Variants in ZNF474 observed in about 807,000 individuals in gnomAD.
ZNF474 encodes 4933409D10Rik.
For missense variants in ZNF474, 511 were observed against 433.8 expected, an observed-to-expected ratio of 1.18 and a Z score of -1.58; for synonymous variants, 192 against 162.2, an observed-to-expected ratio of 1.18 and a Z score of -1.39.
intron 1 of ZNF474, among the ~76,000 whole-genome samples, chr5:122,140,559 T>G (rs528498612): frequency 6.6e-6 from 1 of 152,310 alleles, no homozygotes; most frequent in Admixed American, 6.5e-5. Context: ...CAAGATATAT[T>G]TTAAAAGATC....
chr5:122,144,788 A>G (rs903364938), intron 1 of ZNF474, among the ~76,000 whole-genome samples: 1 of 152,250 alleles, frequency 6.6e-6, no homozygotes, highest in South Asian at 2.1e-4. Flanking sequence ...TTGGATTTCT[A>G]TATATTATAG....
intron 1 of ZNF474, among the ~76,000 whole-genome samples, chr5:122,136,608 T>C (rs1287761715): frequency 6.6e-6 from 1 of 152,230 alleles, no homozygotes; most frequent in Admixed American, 6.5e-5. Context: ...TCATGGTCCT[T>C]GGAGAGATTC....
Position 122,152,013 on chromosome 5 carries a change from G to C in ZNF474, c.23G>C (p.Arg8Thr). The change falls in exon 2 of 2, where the codon AGA becomes ACA. Residue 8 changes from arginine (R) to threonine (T), a missense_variant. Physicochemically the swap from Arg to Thr is moderately conservative, Grantham distance 71. Transcript: ENST00000296600. ...TTAATGGAAAGAGGAAAGAAGAAAA[G>C]AATTTCCAATAAGTTACAACAAACT... MERGKKK[R>T]ISNKLQQTFH... 1 of 1,609,690 alleles carries C rather than the reference G, an allele frequency of 6.2e-7. No individual in the cohort carries two copies. Among genetic ancestry groups the C allele is most frequent in the Non-Finnish European group, 8.5e-7 (1 of 1,179,020 alleles).
chr5:122,141,300 A>ATTTTTTTTTTTTT lies in ZNF474; in HGVS notation c.-212-10466_-212-10454dup, dbSNP rs368273210. Among the ~76,000 whole-genome samples, 74 of 64,356 alleles carry ATTTTTTTTTTTTT rather than the reference A, an allele frequency of 1.1e-3. 4 individuals carry two copies. The highest frequency in any genetic ancestry group is 4.9e-3 in the African/African-American group (67 of 13,584). 42.2% of individuals were successfully genotyped at this position (64,356 alleles called of 152,430 possible). On this transcript the variant is annotated intron_variant, in intron 1 of 1. Coordinates refer to ENST00000296600, the MANE Select transcript of ZNF474 (RefSeq NM_207317.3). ...CGAGTAGCTGGGATTACCCCTGGCTATTTTTTTTTTTTTTTTTTTTTTTTT... is the reference window on the plus strand; with the variant it reads ...CGAGTAGCTGGGATTACCCCTGGCTATTTTTTTTTTTTTTTTTTTTTTTTTTTTTTTTTTTTTT...
chr5:122,137,895 A>C (rs1177898945), intron 1 of ZNF474, among the ~76,000 whole-genome samples: 6 of 152,254 alleles, frequency 3.9e-5, no homozygotes, highest in Admixed American at 6.5e-5. Context: ...TGAGAGCGGA[A>C]GTGCCTCTTC....
At chr5:122,149,590 G>C (rs1275473129) in intron 1 of ZNF474, among the ~76,000 whole-genome samples, 15 of 152,220 alleles carry the variant, frequency 9.9e-5, no homozygotes, top group Admixed American at 9.8e-4. Context: ...TGGAGCCAAA[G>C]AGAGCTGGAA....
chr5:122,130,662 T>C (rs1318278088), intron 1 of ZNF474, among the ~76,000 whole-genome samples: 1 of 152,186 alleles, frequency 6.6e-6, no homozygotes, highest in Non-Finnish European at 1.5e-5. Flanking sequence ...AGTATTTTTC[T>C]CCTAATTTTA....
Position 122,152,347 on chromosome 5 carries a change from G to A in ZNF474, c.357G>A (p.Lys119=), listed in dbSNP as rs1561444619. ...IAIHEPQCLQ[K]WHIENSKLPK... is the part of the protein sequence containing the mutation. The stretch of plus-strand genomic sequence containing the variant: ...TTCATGAACCCCAGTGCTTGCAGAA[G>A]TGGCATATTGAAAACAGCAAGTTGC... Residue 119 remains lysine (K), a synonymous_variant, in exon 2 of 2, where the codon AAG becomes AAA. Coordinates refer to ENST00000296600, the MANE Select transcript of ZNF474 (RefSeq NM_207317.3). 1.2e-6 allele frequency: 2 copies of A among 1,614,192 alleles called. No individual in the cohort carries two copies. The highest frequency in any genetic ancestry group is 1.7e-6 in the Non-Finnish European group (2 of 1,180,042).
At chr5:122,135,713 C>A (rs550826916) in intron 1 of ZNF474, among the ~76,000 whole-genome samples, 42 of 152,044 alleles carry the variant, frequency 2.8e-4, no homozygotes, top group Non-Finnish European at 5.3e-4. Flanking sequence ...CAGCAATATC[C>A]ACAAGAGCCA....
chr5:122,130,159 GC>G (rs1377356782), intron 1 of ZNF474, among the ~76,000 whole-genome samples: 2 of 151,936 alleles, frequency 1.3e-5, no homozygotes, highest in Non-Finnish European at 2.9e-5. Context: ...AGTTGTCTTG[GC>G]TTTTTTTTTA....
chr5:122,140,921 G>C (rs1011436591), intron 1 of ZNF474, among the ~76,000 whole-genome samples: 1 of 152,034 alleles, frequency 6.6e-6, no homozygotes, highest in African/African-American at 2.4e-5. Flanking sequence ...TACAGAATGG[G>C]TATGAGCTGG....
Position 122,152,661 on chromosome 5 carries a change from G to A in ZNF474, c.671G>A (p.Cys224Tyr), listed in dbSNP as rs1396533750. Residue 224 changes from cysteine (C) to tyrosine (Y), a missense_variant, in exon 2 of 2, where the codon TGC becomes TAC. Cys to Tyr is a radical substitution (Grantham distance 194). Coordinates refer to ENST00000296600, the MANE Select transcript of ZNF474 (RefSeq NM_207317.3). ...CCAGCCCGACCAAGGACTGTTATCT[G>A]CTACATATGTGGTAAGGAATTTGGC... Reference protein sequence around the residue: ...GTPARPRTVICYICGKEFGTL... With the variant: ...GTPARPRTVIYYICGKEFGTL... The A allele has an allele frequency of 1.2e-6, 2 of 1,614,182 alleles. No homozygotes were observed. The highest frequency in any genetic ancestry group is 8.5e-7 in the Non-Finnish European group (1 of 1,180,032).
At chr5:122,137,804 G>A (rs180803020) in intron 1 of ZNF474, among the ~76,000 whole-genome samples, 74 of 152,324 alleles carry the variant, frequency 4.9e-4, no homozygotes, top group Non-Finnish European at 8.2e-4. Flanking sequence ...CAACCATGGA[G>A]CAGTCAGTCA....
chr5:122,139,003 A>G (rs1429739410), intron 1 of ZNF474, among the ~76,000 whole-genome samples: 2 of 152,238 alleles, frequency 1.3e-5, no homozygotes, highest in Non-Finnish European at 2.9e-5. Flanking sequence ...GTTAATATTT[A>G]CATTCCTTGA....
chr5:122,150,909 TC>T (rs1357439974), intron 1 of ZNF474, among the ~76,000 whole-genome samples: 1 of 152,166 alleles, frequency 6.6e-6, no homozygotes, highest in Non-Finnish European at 1.5e-5. Flanking sequence ...GTATCATCTT[TC>T]CATGAAAGAT....
At chr5:122,140,587 A>T (rs189515804) in intron 1 of ZNF474, among the ~76,000 whole-genome samples, 2 of 152,356 alleles carry the variant, frequency 1.3e-5, no homozygotes, top group Non-Finnish European at 2.9e-5. Context: ...GATAAAACAA[A>T]ACAGAGTGAA....
In ZNF474 at chr5:122,153,143, A is replaced by T. The variant is rs1053852010; in HGVS notation, c.*58A>T. 1.3e-6 allele frequency: 2 copies of T among 1,542,262 alleles called. No individual in the cohort carries two copies. Among genetic ancestry groups the T allele is most frequent in the African/African-American group, 2.8e-5 (2 of 72,430 alleles). On this transcript the variant is annotated 3_prime_UTR_variant, in exon 2 of 2. Coordinates refer to ENST00000296600, the MANE Select transcript of ZNF474 (RefSeq NM_207317.3). ...CACCTCAGCCCCTAGTATTTTTTCTATCAATGCCTTGTATCAGCCTCAAAG... is the reference window on the plus strand; with the variant it reads ...CACCTCAGCCCCTAGTATTTTTTCTTTCAATGCCTTGTATCAGCCTCAAAG...
In ZNF474 at chr5:122,151,816, A is replaced by C; in HGVS notation, c.-175A>C. 1 of 722,422 alleles carries C rather than the reference A, an allele frequency of 1.4e-6. No individual in the cohort carries two copies. The highest frequency in any genetic ancestry group is 2.2e-6 in the Non-Finnish European group (1 of 454,428). 44.8% of individuals were successfully genotyped at this position (722,422 alleles called of 1,614,324 possible). On this transcript the variant is annotated 5_prime_UTR_variant, in exon 2 of 2. Coordinates refer to ENST00000296600, the MANE Select transcript of ZNF474 (RefSeq NM_207317.3). The stretch of plus-strand genomic sequence containing the variant: ...TCTCAGCTTTAATGAGGACTTTCCA[A>C]CATTCCAGACTGCCGTCCTGCAATG...
rs1182976576 is a variant in ZNF474, at chr5:122,152,370, T to C, written c.380T>C (p.Leu127Ser). 1.2e-6 allele frequency: 2 copies of C among 1,614,176 alleles called. No homozygotes were observed. The highest frequency in any genetic ancestry group is 2.2e-5 in the East Asian group (1 of 44,866). The change falls in exon 2 of 2, where the codon TTG becomes TCG. Residue 127 changes from leucine (L) to serine (S), a missense_variant. Transcript: ENST00000296600. The stretch of plus-strand genomic sequence containing the variant: ...AAGTGGCATATTGAAAACAGCAAGT[T>C]GCCCAAGCATTTGAGGAGGCCAGAA... ...LQKWHIENSK[L>S]PKHLRRPEPS... is the part of the protein sequence containing the mutation.
Sources: allele counts gnomAD v4.1 joint callset (sites outside exome capture counted in the v4.1 genomes callset), GRCh38; gene constraint gnomAD v4.1.1; transcripts MANE v1.5; gene names NCBI Gene and HGNC (gene_info 2026-07-23, HGNC 2026-07-21).